NKAIN2: variants seen among roughly 807,000 people sequenced by gnomAD.
NKAIN2 encodes the protein sodium/potassium transporting ATPase interacting 2.
A neutral mutation model predicts 32.6 loss-of-function variants in NKAIN2; 14 were observed. The observed-to-expected ratio is 0.43, with a 90% confidence interval of 0.28 to 0.67. The LOEUF (loss-of-function observed/expected upper bound fraction) is 0.67, where lower values mean the gene tolerates loss of function less well. Among genes scored for constraint, NKAIN2 ranks in the 30% least tolerant of loss-of-function variants. The probability of loss-of-function intolerance (pLI) is 0.17; values close to 1 mark genes in which losing one functional copy is unlikely to be tolerated. For missense variants in NKAIN2, 198 were observed against 258.3 expected (o/e 0.77, Z 1.60); for synonymous variants, 80 against 87.2 (o/e 0.92, Z 0.46).
chr6:124,151,156 G>A (rs1787697460), intron 1 of NKAIN2, among the ~76,000 whole-genome samples: 1 of 151,590 alleles, frequency 6.6e-6, no homozygotes, highest in Non-Finnish European at 1.5e-5. Flanking sequence ...ACTAGGGTTG[G>A]CTGGGAGCAA....
intron 1 of NKAIN2, among the ~76,000 whole-genome samples, chr6:124,006,524 A>ATTAGG (rs763719292): frequency 1.3e-5 from 2 of 152,234 alleles, no homozygotes; most frequent in Non-Finnish European, 2.9e-5. Context: ...TATTACTGCC[A>ATTAGG]TTAGGTTATC....
chr6:124,809,749 A>T (rs2114855936), intron 5 of NKAIN2, among the ~76,000 whole-genome samples: 1 of 152,254 alleles, frequency 6.6e-6, no homozygotes, highest in African/African-American at 2.4e-5. Flanking sequence ...CAAAGGGCTA[A>T]TATCCAGAAT....
intron 1 of NKAIN2, among the ~76,000 whole-genome samples, chr6:124,281,771 T>C (rs1795308183): frequency 1.3e-5 from 2 of 152,314 alleles, no homozygotes; most frequent in South Asian, 4.1e-4. Context: ...GTAGGAATAA[T>C]GATCATTCAA....
chr6:124,540,550 C>T (rs1779875074), intron 3 of NKAIN2, among the ~76,000 whole-genome samples: 1 of 152,054 alleles, frequency 6.6e-6, no homozygotes, highest in South Asian at 2.1e-4. Flanking sequence ...AGGTTTTAAC[C>T]CCACTGTAGC....
At chr6:124,055,343 C>G (rs1291066081) in intron 1 of NKAIN2, among the ~76,000 whole-genome samples, 1 of 151,832 alleles carries the variant, frequency 6.6e-6, no homozygotes, top group Non-Finnish European at 1.5e-5. Flanking sequence ...GATACTAGTA[C>G]CCTGGGATCT....
chr6:123,975,836 A>G (rs1055893160), intron 1 of NKAIN2, among the ~76,000 whole-genome samples: 3 of 151,938 alleles, frequency 2.0e-5, no homozygotes, highest in African/African-American at 7.2e-5. Flanking sequence ...TTCAGCATGC[A>G]TATTTTGGTG....
chr6:124,632,384 A>G (rs1783604934), intron 3 of NKAIN2, among the ~76,000 whole-genome samples: 1 of 152,170 alleles, frequency 6.6e-6, no homozygotes, highest in Admixed American at 6.5e-5. Context: ...CAGCACCATT[A>G]CTGTTAGAGA....
chr6:124,266,532 G>A (rs747246472), intron 1 of NKAIN2, among the ~76,000 whole-genome samples: 5 of 152,090 alleles, frequency 3.3e-5, no homozygotes, highest in Non-Finnish European at 5.9e-5. Flanking sequence ...ACCCACCTCA[G>A]CCTCCCAAAG....
At chr6:123,863,409 A>G (rs1301467830) in intron 1 of NKAIN2, among the ~76,000 whole-genome samples, 1 of 152,132 alleles carries the variant, frequency 6.6e-6, no homozygotes, top group Non-Finnish European at 1.5e-5. Context: ...TTTATGTTTT[A>G]CCACCTTATC....
At chr6:124,390,365 G>C (rs899402403) in intron 3 of NKAIN2, among the ~76,000 whole-genome samples, 8 of 152,186 alleles carry the variant, frequency 5.3e-5, no homozygotes, top group African/African-American at 1.7e-4. Flanking sequence ...AAACAAGCTC[G>C]AGATCAGCTA....
chr6:123,974,362 G>A (rs976131333), intron 1 of NKAIN2, among the ~76,000 whole-genome samples: 1 of 152,062 alleles, frequency 6.6e-6, no homozygotes, highest in African/African-American at 2.4e-5. Flanking sequence ...TTCAGTTCCT[G>A]CCGTGTTTCT....
At chr6:124,605,436 G>A (rs1782462937) in intron 3 of NKAIN2, among the ~76,000 whole-genome samples, 1 of 152,028 alleles carries the variant, frequency 6.6e-6, no homozygotes, top group South Asian at 2.1e-4. Flanking sequence ...AGCACAATTA[G>A]AGAACAATAT....
intron 1 of NKAIN2, among the ~76,000 whole-genome samples, chr6:124,152,637 A>G (rs898252498): frequency 9.2e-5 from 14 of 152,008 alleles, no homozygotes; most frequent in African/African-American, 2.7e-4. Context: ...GAATTACCGT[A>G]TGATCCACCA....
intron 3 of NKAIN2, among the ~76,000 whole-genome samples, chr6:124,476,646 A>G (rs644090): frequency 0.78 from 118,581 of 151,998 alleles, 46,388 homozygotes; most frequent in African/African-American, 0.82. Flanking sequence ...ATGTATTGTC[A>G]TAACAAGGGA....
intron 4 of NKAIN2, among the ~76,000 whole-genome samples, chr6:124,706,843 A>ATT (rs775996633): frequency 1.5e-3 from 219 of 149,780 alleles, no homozygotes; most frequent in African/African-American, 5.2e-3. Flanking sequence ...AGTTGGTTTT[A>ATT]TTTTTTTTTT....
In NKAIN2 at chr6:124,389,715, T is replaced by TTGTG. The variant is rs3052704; in HGVS notation, c.273+34401_273+34404dup. ...CTCCTTTCCTCATCTCTGTGTACAT[T>TTGTG]TGTGTGTGTGTGTGTGTGTGTGTGT... On this transcript the variant is annotated intron_variant, in intron 3 of 6. Coordinates refer to ENST00000368417, the MANE Select transcript of NKAIN2 (RefSeq NM_001040214.3). Among the ~76,000 whole-genome samples the TTGTG allele has an allele frequency of 1.8e-3, 260 of 141,998 alleles. 1 individual carries two copies. The highest frequency in any genetic ancestry group is 3.5e-3 in the African/African-American group (129 of 36,580). The allele number at this position is 141,998 out of a possible 152,430, so 93.2% of individuals were successfully genotyped here. A position where few individuals can be genotyped will look rare whatever the true frequency, so the allele number is the denominator to read the frequency against.
At chr6:124,485,727 C>T (rs529167157) in intron 3 of NKAIN2, among the ~76,000 whole-genome samples, 1 of 152,168 alleles carries the variant, frequency 6.6e-6, no homozygotes, top group African/African-American at 2.4e-5. Flanking sequence ...TAAAGCTCTA[C>T]CAGTGTGCAG....
chr6:124,413,343 C>G (rs1164507641), intron 3 of NKAIN2, among the ~76,000 whole-genome samples: 1 of 152,148 alleles, frequency 6.6e-6, no homozygotes, highest in African/African-American at 2.4e-5. Flanking sequence ...ATTGAAAAGC[C>G]TGTTCTTTCT....
At chr6:124,535,181 G>A (rs1779670648) in intron 3 of NKAIN2, among the ~76,000 whole-genome samples, 1 of 152,124 alleles carries the variant, frequency 6.6e-6, no homozygotes, top group Non-Finnish European at 1.5e-5. Context: ...TGGATAAGGA[G>A]GGCCAACTAC....
Sources: gnomAD v4.1 joint callset for allele counts (sites outside exome capture counted in the v4.1 genomes callset) on GRCh38, gnomAD v4.1.1 for gene constraint, MANE v1.5 for transcripts, NCBI Gene and HGNC (gene_info 2026-07-23, HGNC 2026-07-21) for gene names.